The following TBC1D19 variants were observed in gnomAD, a reference collection of about 807,000 sequenced individuals.
TBC1D19 encodes TBC1 domain family, member 19.
A neutral mutation model predicts 89.0 loss-of-function variants in TBC1D19; 60 were observed. The observed-to-expected ratio is 0.67, with a 90% CI of 0.55 to 0.84. The LOEUF (loss-of-function observed/expected upper bound fraction) is 0.84, where lower values mean the gene tolerates loss of function less well. TBC1D19 is among the 40% of genes least tolerant of loss of function. TBC1D19 has a pLI of 0.00. For missense variants in TBC1D19, 500 were observed against 610.8 expected, an observed-to-expected ratio of 0.82 and a Z score of 1.91; for synonymous variants, 189 against 199.7, an observed-to-expected ratio of 0.95 and a Z score of 0.45.
chr4:26,814,229 G>A, the TBC1D19 span, among the ~76,000 whole-genome samples: 1 of 152,214 alleles, frequency 6.6e-6, no homozygotes, highest in African/African-American at 2.4e-5. Flanking sequence ...AATTGAGGAT[G>A]CAAGTCACTT....
chr4:26,773,870 C>G, the TBC1D19 span, among the ~76,000 whole-genome samples: 2 of 152,124 alleles, frequency 1.3e-5, no homozygotes, highest in African/African-American at 4.8e-5. Context: ...TTACTGTAGT[C>G]TTGTAGCATA....
chr4:26,724,092 C>T (rs183306867), intron 15 of TBC1D19, among the ~76,000 whole-genome samples: 1 of 152,246 alleles, frequency 6.6e-6, no homozygotes, highest in African/African-American at 2.4e-5. Flanking sequence ...AGAGAGTACA[C>T]AGCATGTCTG....
the TBC1D19 span, among the ~76,000 whole-genome samples, chr4:26,793,944 T>C: frequency 1.3e-5 from 2 of 152,158 alleles, no homozygotes; most frequent in African/African-American, 4.8e-5. Context: ...GATTGGTCCA[T>C]CTTGGGTCAT....
At chr4:26,733,879 A>G (rs996133951) in intron 15 of TBC1D19, among the ~76,000 whole-genome samples, 3 of 152,174 alleles carry the variant, frequency 2.0e-5, no homozygotes, top group African/African-American at 4.8e-5. Context: ...AAATGATTAG[A>G]GATTTTAGTC....
intron 11 of TBC1D19, among the ~76,000 whole-genome samples, chr4:26,682,247 A>G (rs1292457916): frequency 6.6e-6 from 1 of 152,212 alleles, no homozygotes; most frequent in Admixed American, 6.5e-5. Context: ...TAGATTCGGT[A>G]GATACAATGG....
chr4:26,784,524 C>T, the TBC1D19 span, among the ~76,000 whole-genome samples: 2 of 152,236 alleles, frequency 1.3e-5, no homozygotes, highest in Admixed American at 1.3e-4. Flanking sequence ...CTTGCTTCTT[C>T]AGGCTACCAG....
chr4:26,855,108 G>A, the TBC1D19 span, among the ~76,000 whole-genome samples: 3 of 152,180 alleles, frequency 2.0e-5, no homozygotes, highest in African/African-American at 7.2e-5. Flanking sequence ...CCTTCTGTGC[G>A]TGGCTCATGT....
chr4:26,721,906 G>T (rs925045727), intron 15 of TBC1D19, among the ~76,000 whole-genome samples: 2 of 152,108 alleles, frequency 1.3e-5, no homozygotes, highest in African/African-American at 4.8e-5. Flanking sequence ...TCACCTGGCT[G>T]TCATCAAGCT....
At chr4:26,687,866 A>G (rs1363321698) in intron 12 of TBC1D19, among the ~76,000 whole-genome samples, 1 of 152,138 alleles carries the variant, frequency 6.6e-6, no homozygotes, top group East Asian at 1.9e-4. Context: ...AACTCATAAT[A>G]CAGAAAATCA....
upstream of TBC1D19, among the ~76,000 whole-genome samples, chr4:26,580,236 T>C (rs1480588786): frequency 1.3e-5 from 2 of 152,122 alleles, no homozygotes; most frequent in African/African-American, 4.8e-5. Context: ...ATGACTGCCA[T>C]TGTAATGAGA....
chr4:26,595,788 A>G (rs888505850), intron 1 of TBC1D19, among the ~76,000 whole-genome samples: 11 of 151,918 alleles, frequency 7.2e-5, no homozygotes, highest in Non-Finnish European at 4.4e-5. Context: ...ATCTATTTCT[A>G]GGTCTCTATT....
intron 19 of TBC1D19, among the ~76,000 whole-genome samples, chr4:26,752,309 A>ATCATAGCTC (rs1339657589): frequency 6.7e-6 from 1 of 150,208 alleles, no homozygotes; most frequent in Non-Finnish European, 1.5e-5. Context: ...CAGTGGCACA[A>ATCATAGCTC]TCATAGCTCA....
In TBC1D19 at chr4:26,672,139, T is replaced by A. The variant is rs9997999; in HGVS notation, c.665-10T>A. On this transcript the variant is annotated splice_polypyrimidine_tract_variant and intron_variant, in intron 9 of 20. Transcript: ENST00000264866. ...ATGTCTAATAATTTTAATTTTTTTT[T>A]AATTTTTAGAACTTTTTGAAAATGA... 0.97 allele frequency: 1,095,284 copies of A among 1,126,168 alleles called. 537,612 individuals carry two copies. The highest frequency in any genetic ancestry group is 1 in the Non-Finnish European group (835,176 of 836,316). 69.8% of individuals were successfully genotyped at this position (1,126,168 alleles called of 1,614,324 possible).
intron 9 of TBC1D19, among the ~76,000 whole-genome samples, chr4:26,666,918 T>C (rs749789155): frequency 1.3e-5 from 2 of 151,988 alleles, no homozygotes; most frequent in Non-Finnish European, 2.9e-5. Flanking sequence ...ACTTGAAGTA[T>C]GGGAGCCCCG....
At chr4:26,584,375 G>C in intron 1 of TBC1D19, 83 bp downstream of exon 1, 2 of 1,330,822 alleles carry the variant, frequency 1.5e-6, no homozygotes, top group Non-Finnish European at 2.1e-6. Context: ...CCAAGCCAGA[G>C]CTCGCCTCTG....
the TBC1D19 span, among the ~76,000 whole-genome samples, chr4:26,776,675 A>G: frequency 2.8e-4 from 43 of 152,182 alleles, 1 homozygote; most frequent in Admixed American, 5.9e-4. Flanking sequence ...TTAAGTTTAT[A>G]TGTTGATAAG....
intron 5 of TBC1D19, among the ~76,000 whole-genome samples, chr4:26,638,021 A>G (rs1321242926): frequency 1.3e-5 from 2 of 152,196 alleles, no homozygotes; most frequent in Non-Finnish European, 2.9e-5. Context: ...AACGTAGGAA[A>G]CGAAAAGGAT....
chr4:26,716,257 G>A (rs1560493666), intron 13 of TBC1D19, among the ~76,000 whole-genome samples: 1 of 152,072 alleles, frequency 6.6e-6, no homozygotes, highest in Non-Finnish European at 1.5e-5. Context: ...GAGAATTAGT[G>A]AACTGACTAA....
chr4:26,768,194 C>CA, the TBC1D19 span, among the ~76,000 whole-genome samples: 2 of 152,182 alleles, frequency 1.3e-5, no homozygotes, highest in African/African-American at 4.8e-5. Context: ...TGAGCTCACA[C>CA]AGGCCAGGAA....
Sources: allele counts gnomAD v4.1 joint callset (sites outside exome capture counted in the v4.1 genomes callset), GRCh38; gene constraint gnomAD v4.1.1; transcripts MANE v1.5; gene names NCBI Gene and HGNC (gene_info 2026-07-23, HGNC 2026-07-21).